RBMS3: variants seen among roughly 807,000 people sequenced by gnomAD.
RBMS3 encodes the protein RNA binding motif single stranded interacting protein 3, also known as RNA-binding motif, single-stranded-interacting protein 3.
RBMS3 carries 27 observed loss-of-function variants against 66.8 expected under a neutral mutation model. The observed-to-expected ratio is 0.40, with a 90% confidence interval of 0.30 to 0.56. RBMS3 has a LOEUF of 0.56. Among genes scored for constraint, RBMS3 ranks in the 20% least tolerant of loss-of-function variants. The pLI, the probability that RBMS3 is intolerant of heterozygous loss-of-function variation, is 0.40. For missense variants in RBMS3, 513 were observed against 549.5 expected (o/e 0.93, Z 0.66); for synonymous variants, 188 against 183.0 (o/e 1.03, Z -0.22).
chr3:29,442,296 C>T (rs1255296701), intron 2 of RBMS3, among the ~76,000 whole-genome samples: 1 of 152,026 alleles, frequency 6.6e-6, no homozygotes, highest in Admixed American at 6.6e-5. Flanking sequence ...TTGGGGGCAT[C>T]CTAGAAATTA....
intron 10 of RBMS3, among the ~76,000 whole-genome samples, chr3:29,917,785 G>T (rs972764786): frequency 6.6e-6 from 1 of 152,066 alleles, no homozygotes; most frequent in African/African-American, 2.4e-5. Flanking sequence ...AGACTTAAGT[G>T]TGTGCAATAT....
chr3:29,917,755 G>GTTT (rs2060676012), intron 10 of RBMS3, among the ~76,000 whole-genome samples: 1 of 151,902 alleles, frequency 6.6e-6, no homozygotes, highest in Non-Finnish European at 1.5e-5. Flanking sequence ...TAGCATCTTG[G>GTTT]GGTAAATGAA....
At chr3:29,964,017 A>G (rs1178076957) in intron 12 of RBMS3, among the ~76,000 whole-genome samples, 1 of 152,136 alleles carries the variant, frequency 6.6e-6, no homozygotes. Flanking sequence ...GAACACCTGT[A>G]AAAATTTTAT....
intron 3 of RBMS3, among the ~76,000 whole-genome samples, chr3:29,545,229 G>A (rs1348945103): frequency 6.6e-6 from 1 of 151,922 alleles, no homozygotes; most frequent in Non-Finnish European, 1.5e-5. Context: ...ATCCTTAATT[G>A]GAAAGAAATA....
At chr3:29,897,666 A>G (rs1559779483) in intron 9 of RBMS3, among the ~76,000 whole-genome samples, 191 bp downstream of exon 9, 1 of 151,794 alleles carries the variant, frequency 6.6e-6, no homozygotes, top group East Asian at 1.9e-4. Context: ...TCACTGGATA[A>G]TAAAATCCAC....
At chr3:29,706,918 TA>T (rs2052924056) in intron 4 of RBMS3, among the ~76,000 whole-genome samples, 1 of 152,210 alleles carries the variant, frequency 6.6e-6, no homozygotes, top group African/African-American at 2.4e-5. Context: ...CAGACTTTTT[TA>T]AAAGATGGTT....
chr3:29,799,537 C>T (rs2057323372), intron 6 of RBMS3, among the ~76,000 whole-genome samples: 1 of 152,126 alleles, frequency 6.6e-6, no homozygotes, highest in Admixed American at 6.5e-5. Context: ...TTAAAACTTC[C>T]TTATTCATTT....
At chr3:29,739,197 T>A (rs1273706834) in intron 4 of RBMS3, among the ~76,000 whole-genome samples, 1 of 152,198 alleles carries the variant, frequency 6.6e-6, no homozygotes, top group Non-Finnish European at 1.5e-5. Context: ...CTCACACCTG[T>A]AATCCCAGCA....
intron 8 of RBMS3, among the ~76,000 whole-genome samples, chr3:29,896,766 C>A (rs1485284164): frequency 5.9e-5 from 9 of 151,532 alleles, no homozygotes. Flanking sequence ...CTCTGGAGGA[C>A]TAGAAAATTC....
intron 4 of RBMS3, among the ~76,000 whole-genome samples, chr3:29,606,504 A>C (rs565165973): frequency 6.6e-6 from 1 of 152,082 alleles, no homozygotes; most frequent in African/African-American, 2.4e-5. Context: ...CATTTTGCTC[A>C]TGTCATTAGA....
intron 1 of RBMS3, among the ~76,000 whole-genome samples, chr3:29,319,760 C>T (rs1433926889): frequency 1.3e-5 from 2 of 151,878 alleles, no homozygotes; most frequent in African/African-American, 4.8e-5. Flanking sequence ...CAGTATTCTC[C>T]CAGATCTAAG....
At position 29,645,854 on chromosome 3, in the gene RBMS3, CA is replaced by C. The variant is rs542625702; in HGVS notation, c.399+58650del. ...ATAATTGGTAGTTTAGGTGAATTAC[CA>C]CTGGGTCACTGGCCTTTATCACCCA... On this transcript the variant is annotated intron_variant, in intron 4 of 14. Transcript: ENST00000383767. Among the ~76,000 whole-genome samples, 93 of 152,232 alleles carry C rather than the reference CA, an allele frequency of 6.1e-4. 3 individuals carry two copies. The South Asian group carries it at 0.019, about 31-fold the overall frequency.
At chr3:29,700,053 T>C (rs1176896720) in intron 4 of RBMS3, among the ~76,000 whole-genome samples, 4 of 152,228 alleles carry the variant, frequency 2.6e-5, no homozygotes. Context: ...TTGAACTCTC[T>C]AAGAGACTTT....
At chr3:29,385,576 A>AC (rs986597585) in intron 1 of RBMS3, among the ~76,000 whole-genome samples, 1 of 150,386 alleles carries the variant, frequency 6.6e-6, no homozygotes, top group East Asian at 2.0e-4. Context: ...CTTCTGTGCA[A>AC]CCCCCCTCTA....
At chr3:29,912,220 G>T (rs777052892) in intron 10 of RBMS3, among the ~76,000 whole-genome samples, 4 of 151,836 alleles carry the variant, frequency 2.6e-5, no homozygotes, top group African/African-American at 7.3e-5. Context: ...TATTTCTCCC[G>T]TTCTATTTTG....
intron 1 of RBMS3, among the ~76,000 whole-genome samples, chr3:29,372,828 G>A (rs767931683): frequency 2.0e-5 from 3 of 151,348 alleles, no homozygotes; most frequent in African/African-American, 4.9e-5. Context: ...TCTATAAAAT[G>A]GGAATGATAA....
At chr3:29,424,879 A>G (rs570833971) in intron 1 of RBMS3, among the ~76,000 whole-genome samples, 1 of 152,242 alleles carries the variant, frequency 6.6e-6, no homozygotes, top group African/African-American at 2.4e-5. Context: ...GACTTTCACA[A>G]CTGGAGGAAA....
At chr3:29,702,483 G>C (rs2052658147) in intron 4 of RBMS3, among the ~76,000 whole-genome samples, 1 of 152,166 alleles carries the variant, frequency 6.6e-6, no homozygotes, top group Admixed American at 6.5e-5. Context: ...CAACCCGCCG[G>C]GGTCCTCTTT....
intron 3 of RBMS3, among the ~76,000 whole-genome samples, chr3:29,509,039 T>A (rs941005603): frequency 6.6e-6 from 1 of 151,670 alleles, no homozygotes; most frequent in African/African-American, 2.4e-5. Context: ...CCACTTTTGA[T>A]GGGGTTGGTT....
Sources: gnomAD v4.1 joint callset for allele counts (sites outside exome capture counted in the v4.1 genomes callset) on GRCh38, gnomAD v4.1.1 for gene constraint, MANE v1.5 for transcripts, NCBI Gene and HGNC (gene_info 2026-07-23, HGNC 2026-07-21) for gene names.